Variants in SH3KBP1 observed in about 807,000 individuals in gnomAD.
SH3KBP1 encodes SH3 domain-containing kinase-binding protein 1.
In SH3KBP1, 8 loss-of-function variants were observed where a neutral mutation model predicts 50.1. The ratio of observed to expected loss-of-function variants is 0.16; its 90% CI spans 0.09 to 0.29. The LOEUF is 0.29. SH3KBP1 is among the 10% of genes least tolerant of loss of function. The pLI, the probability that SH3KBP1 is intolerant of heterozygous loss-of-function variation, is 1.00. For synonymous variants in SH3KBP1, 227 were observed against 218.6 expected, an observed-to-expected ratio of 1.04 and a Z score of -0.34; for missense variants, 377 against 535.2, an observed-to-expected ratio of 0.70 and a Z score of 2.92.
intron 14 of SH3KBP1, among the ~76,000 whole-genome samples, chrX:19,547,618 C>G (rs957895189): frequency 8.9e-6 from 1 of 112,335 alleles, no homozygotes; most frequent in African/African-American, 3.2e-5. Context: ...CCATACCATG[C>G]CTGAATCCTT....
intron 3 of SH3KBP1, among the ~76,000 whole-genome samples, chrX:19,714,247 ATAGT>A (rs1428454195): frequency 4.5e-5 from 5 of 112,022 alleles, no homozygotes; most frequent in Non-Finnish European, 5.6e-5. Flanking sequence ...TACAAAAAAC[ATAGT>A]TAGAAAGAAT....
At chrX:19,598,886 A>C (rs1209529144) in intron 9 of SH3KBP1, among the ~76,000 whole-genome samples, 1 of 112,284 alleles carries the variant, frequency 8.9e-6, no homozygotes, top group Non-Finnish European at 1.9e-5. Context: ...ATGTTGTGAG[A>C]ATTACCAAAA....
intron 1 of SH3KBP1, among the ~76,000 whole-genome samples, chrX:19,845,584 AG>A (rs1271155262): frequency 5.4e-5 from 6 of 110,799 alleles, no homozygotes; most frequent in African/African-American, 2.0e-4. Flanking sequence ...ACAATCACGG[AG>A]GGGAAAAATC....
chrX:19,594,822 G>T, intron 10 of SH3KBP1, 127 bp downstream of exon 10: 1 of 509,929 alleles, frequency 2.0e-6, no homozygotes. Context: ...AGACCAAATC[G>T]TAACTTCCCA....
chrX:19,869,025 C>T (rs747855311), intron 1 of SH3KBP1, among the ~76,000 whole-genome samples: 4 of 110,155 alleles, frequency 3.6e-5, no homozygotes, highest in African/African-American at 9.9e-5. Context: ...ATGGAAGAGC[C>T]GGAAAAGGAA....
At chrX:19,591,878 T>C (rs1179569055) in intron 11 of SH3KBP1, among the ~76,000 whole-genome samples, 189 bp downstream of exon 11, 1 of 112,271 alleles carries the variant, frequency 8.9e-6, no homozygotes, top group East Asian at 2.8e-4. Context: ...GAAATTGTGG[T>C]CCCACGAAGT....
chrX:19,555,647 C>T (rs2065465799), intron 13 of SH3KBP1, among the ~76,000 whole-genome samples: 1 of 112,032 alleles, frequency 8.9e-6, no homozygotes, highest in African/African-American at 3.2e-5. Flanking sequence ...TCTCTGGAAG[C>T]CATCTCTTCT....
At chrX:19,836,057 C>T (rs1169423440) in intron 2 of SH3KBP1, 68 bp downstream of exon 2, 10 of 1,020,827 alleles carry the variant, frequency 9.8e-6, no homozygotes, top group East Asian at 9.2e-5. Flanking sequence ...CATCCTCAAG[C>T]GCCCCCATAG....
chrX:19,776,616 T>A (rs1285486364), intron 2 of SH3KBP1, among the ~76,000 whole-genome samples: 1 of 89,438 alleles, frequency 1.1e-5, no homozygotes, highest in Non-Finnish European at 2.1e-5. Flanking sequence ...GGCATGATCA[T>A]AACTCATTGT....
At chrX:19,815,759 T>C (rs747073186) in intron 2 of SH3KBP1, among the ~76,000 whole-genome samples, 41 of 112,010 alleles carry the variant, frequency 3.7e-4, no homozygotes, top group African/African-American at 1.3e-3. Context: ...ATACAGTGTG[T>C]AACATCTTAG....
chrX:19,624,165 G>A (rs191330891), intron 8 of SH3KBP1, among the ~76,000 whole-genome samples: 5 of 111,290 alleles, frequency 4.5e-5, no homozygotes, highest in Admixed American at 2.9e-4. Flanking sequence ...AAGCACTTTT[G>A]AATACAACAT....
intron 2 of SH3KBP1, among the ~76,000 whole-genome samples, chrX:19,826,752 C>CAT (rs1569482970): frequency 4.1e-4 from 41 of 99,252 alleles, no homozygotes; most frequent in African/African-American, 1.3e-3. Context: ...TAACATAACA[C>CAT]ACCCAGAAAA....
At chrX:19,848,665 T>C (rs1485696401) in intron 1 of SH3KBP1, among the ~76,000 whole-genome samples, 1 of 112,312 alleles carries the variant, frequency 8.9e-6, no homozygotes, top group Non-Finnish European at 1.9e-5. Flanking sequence ...ATAGGAATAT[T>C]CTGGCTAATA....
chrX:19,642,384 A>G (rs2061879651), intron 7 of SH3KBP1, among the ~76,000 whole-genome samples: 1 of 111,816 alleles, frequency 8.9e-6, no homozygotes, highest in Non-Finnish European at 1.9e-5. Context: ...AAGCAAGTCA[A>G]TGAACAAAGG....
At chrX:19,683,328 C>T (rs772577190) in intron 6 of SH3KBP1, 5 of 370,393 alleles carry the variant, frequency 1.3e-5, no homozygotes, top group South Asian at 1.2e-4. Flanking sequence ...TCATTCACAC[C>T]TGCGGGAGAC....
intron 3 of SH3KBP1, among the ~76,000 whole-genome samples, chrX:19,744,246 T>A (rs1406022057): frequency 8.9e-6 from 1 of 112,537 alleles, no homozygotes; most frequent in Non-Finnish European, 1.9e-5. Context: ...AGATTTAGCC[T>A]CTGATCCTTG....
At position 19,819,520 on chromosome X, in the gene SH3KBP1, A is replaced by T. The variant is rs755300503; in HGVS notation, c.162+16605T>A. Among the ~76,000 whole-genome samples, 10 of 109,674 alleles carry T rather than the reference A, an allele frequency of 9.1e-5. No homozygotes were observed. In the South Asian group the frequency reaches 1.2e-3, roughly 13 times the overall value. On this transcript the variant is annotated intron_variant, in intron 2 of 17. Coordinates refer to ENST00000397821, the MANE Select transcript of SH3KBP1 (RefSeq NM_031892.3). ...AGCTAATTTTTTGATTATTATTATT[A>T]TTTTTTGATTGGCGAGATAGTGTCT...
chrX:19,624,911 C>T (rs951975155), intron 8 of SH3KBP1, among the ~76,000 whole-genome samples: 2 of 112,361 alleles, frequency 1.8e-5, no homozygotes, highest in Non-Finnish European at 3.8e-5. Flanking sequence ...TTCATTCACT[C>T]ATAAAACATG....
At chrX:19,629,192 A>G (rs1041863335) in intron 8 of SH3KBP1, among the ~76,000 whole-genome samples, 6 of 110,217 alleles carry the variant, frequency 5.4e-5, no homozygotes, top group Admixed American at 9.6e-5. Flanking sequence ...GGTCTGAGTC[A>G]AGTTAGTGAG....
Sources: allele counts gnomAD v4.1 joint callset (sites outside exome capture counted in the v4.1 genomes callset), GRCh38; gene constraint gnomAD v4.1.1; transcripts MANE v1.5; gene names NCBI Gene and HGNC (gene_info 2026-07-23, HGNC 2026-07-21).